ELK3: variants seen among roughly 807,000 people sequenced by gnomAD.
The protein encoded by ELK3 is ETS transcription factor ELK3, also known as ETS domain-containing protein Elk-3.
In ELK3, 10 loss-of-function variants were observed where a neutral mutation model predicts 28.9. The observed-to-expected ratio is 0.35, with a 90% CI of 0.21 to 0.59. The LOEUF (loss-of-function observed/expected upper bound fraction) is 0.59, where lower values mean the gene tolerates loss of function less well. Ranked by LOEUF, ELK3 falls within the 20% of genes least tolerant of loss-of-function variation. The pLI is 0.82. For synonymous variants in ELK3, 272 were observed against 243.5 expected, an observed-to-expected ratio of 1.12 and a Z score of -1.09; for missense variants, 463 against 517.3, an observed-to-expected ratio of 0.90 and a Z score of 1.02.
chr12:96,261,829 T>C (rs1165551515), intron 4 of ELK3, among the ~76,000 whole-genome samples: 1 of 152,194 alleles, frequency 6.6e-6, no homozygotes, highest in Non-Finnish European at 1.5e-5. Flanking sequence ...CGACACGTTA[T>C]CAGGATCTCT....
intron 4 of ELK3, among the ~76,000 whole-genome samples, chr12:96,264,007 C>A (rs567683349): frequency 6.6e-6 from 1 of 152,230 alleles, no homozygotes; most frequent in African/African-American, 2.4e-5. Context: ...GAGATGAGCT[C>A]GCTGTGCTGC....
chr12:96,231,427 C>T (rs1951741085), intron 2 of ELK3, among the ~76,000 whole-genome samples: 1 of 152,212 alleles, frequency 6.6e-6, no homozygotes, highest in Admixed American at 6.5e-5. Flanking sequence ...AACTGCCAGG[C>T]ACCTTATGGG....
chr12:96,246,896 C>T, intron 2 of ELK3, 44 bp from the exon 3 acceptor site: 1 of 1,539,828 alleles, frequency 6.5e-7, no homozygotes, highest in Middle Eastern at 1.7e-4. Context: ...TACATGGTTT[C>T]TCGGGTGCAC....
intron 1 of ELK3, among the ~76,000 whole-genome samples, chr12:96,203,809 C>A (rs1000846674): frequency 6.6e-6 from 1 of 152,110 alleles, no homozygotes; most frequent in Non-Finnish European, 1.5e-5. Context: ...AGTGTGGTGG[C>A]GCATGCCTGT....
At chr12:96,254,679 G>A (rs1218229297) in intron 3 of ELK3, among the ~76,000 whole-genome samples, 1 of 152,036 alleles carries the variant, frequency 6.6e-6, no homozygotes. Flanking sequence ...ATAGTTAGGA[G>A]CTCATAACTT....
rs538923369 is a variant in ELK3 at position 96,215,925 on chromosome 12, C to T, written c.-2-7640C>T. ...CCAGGATTACAGGCGTGAGCTATCA[C>T]GCCTAGCCTCAAAACTGTTTTCATA... is the stretch of plus-strand genomic sequence containing the variant. On this transcript the variant is annotated intron_variant, in intron 1 of 4. Coordinates refer to ENST00000228741, the MANE Select transcript of ELK3 (RefSeq NM_005230.4). 2.7e-4 allele frequency among the ~76,000 whole-genome samples: 41 copies of T among 152,320 alleles called. No homozygotes were observed. The East Asian group carries it at 5.4e-3, about 20-fold the overall frequency.
In ELK3 at chr12:96,223,937, C is replaced by T. The variant is rs1200106390; in HGVS notation, c.207+164C>T. On this transcript the variant is annotated intron_variant, in intron 2 of 4. Coordinates refer to ENST00000228741, the MANE Select transcript of ELK3 (RefSeq NM_005230.4). Reference sequence around the variant, plus strand: ...AGAAAAGCTGTGCTGTAGGGATTTTCCCCACCCTCTGGACGCCCTTTGGAT... The same window carrying T: ...AGAAAAGCTGTGCTGTAGGGATTTTTCCCACCCTCTGGACGCCCTTTGGAT... 4.2e-6 allele frequency: 3 copies of T among 720,184 alleles called. No individual in the cohort carries two copies. The African/African-American group carries it at 5.3e-5, about 13-fold the overall frequency. The allele number at this position is 720,184 out of a possible 1,614,324, so 44.6% of individuals were successfully genotyped here. A position where few individuals can be genotyped will look rare whatever the true frequency, so the allele number is the denominator to read the frequency against.
rs1952070327 is a variant in ELK3 at position 96,269,620 on chromosome 12, T to C, written c.*2440T>C. 1 of 152,188 alleles carries C rather than the reference T, an allele frequency of 6.6e-6. No homozygotes were observed. Among genetic ancestry groups the C allele is most frequent in the Non-Finnish European group, 1.5e-5 (1 of 68,018 alleles). The allele number at this position is 152,188 out of a possible 1,614,324, so 9.4% of individuals were successfully genotyped here. On this transcript the variant is annotated 3_prime_UTR_variant, in exon 5 of 5. Coordinates refer to ENST00000228741, the MANE Select transcript of ELK3 (RefSeq NM_005230.4). ...AGAGGTATTTTACTCAGAAAATAGG[T>C]TTCAAAGAACATTAATGACTTTCTT...
intron 4 of ELK3, among the ~76,000 whole-genome samples, chr12:96,261,077 A>G (rs1951989545): frequency 6.6e-6 from 1 of 152,218 alleles, no homozygotes; most frequent in South Asian, 2.1e-4. Context: ...GCAAGTCTTC[A>G]TGATCATCTG....
At chr12:96,238,265 C>T (rs1356599620) in intron 2 of ELK3, among the ~76,000 whole-genome samples, 1 of 152,226 alleles carries the variant, frequency 6.6e-6, no homozygotes, top group Non-Finnish European at 1.5e-5. Context: ...GAGGCACTGA[C>T]TGCGTTGAGT....
intron 1 of ELK3, among the ~76,000 whole-genome samples, chr12:96,218,223 G>T (rs79867551): frequency 2.0e-5 from 3 of 152,106 alleles, no homozygotes; most frequent in Non-Finnish European, 4.4e-5. Flanking sequence ...AGCCAGAGAC[G>T]GGAAGGCCCT....
chr12:96,207,848 A>G (rs988019606), intron 1 of ELK3, among the ~76,000 whole-genome samples: 13 of 152,372 alleles, frequency 8.5e-5, no homozygotes, highest in Middle Eastern at 6.8e-3. Context: ...AACCCTTTGT[A>G]TAATAAATTA....
At chr12:96,220,479 C>T (rs1336333131) in intron 1 of ELK3, among the ~76,000 whole-genome samples, 5 of 150,464 alleles carry the variant, frequency 3.3e-5, no homozygotes, top group African/African-American at 1.2e-4. Flanking sequence ...CCTCTGCCTC[C>T]TGGGTTCAAG....
chr12:96,206,309 C>T (rs1951537990), intron 1 of ELK3, among the ~76,000 whole-genome samples: 1 of 151,742 alleles, frequency 6.6e-6, no homozygotes, highest in Non-Finnish European at 1.5e-5. Context: ...TTTCTCTTTC[C>T]CTTTTATTTA....
intron 1 of ELK3, among the ~76,000 whole-genome samples, chr12:96,199,505 T>G (rs976948364): frequency 6.6e-6 from 1 of 151,896 alleles, no homozygotes; most frequent in Non-Finnish European, 1.5e-5. Context: ...TGTGTGTGTG[T>G]GTGTGTGTGA....
intron 3 of ELK3, among the ~76,000 whole-genome samples, chr12:96,254,025 T>A (rs560731682): frequency 1.3e-5 from 2 of 152,302 alleles, no homozygotes; most frequent in African/African-American, 4.8e-5. Flanking sequence ...CTTGTTTGGA[T>A]TGGAAATTAA....
intron 2 of ELK3, among the ~76,000 whole-genome samples, chr12:96,226,744 A>C (rs1951704644): frequency 6.6e-6 from 1 of 152,258 alleles, no homozygotes; most frequent in Admixed American, 6.5e-5. Context: ...CTTGCTTATA[A>C]AATGCTCTCA....
intron 1 of ELK3, among the ~76,000 whole-genome samples, chr12:96,210,597 A>ACACCCCCC (rs1416746905): frequency 1.6e-3 from 233 of 149,032 alleles, no homozygotes; most frequent in Non-Finnish European, 2.4e-3. Context: ...ACACACACAC[A>ACACCCCCC]CCCCGAGTGG....
chr12:96,206,167 C>G lies in ELK3; in HGVS notation c.-3+11462C>G, dbSNP rs188799470. On this transcript the variant is annotated intron_variant, in intron 1 of 4. Coordinates refer to ENST00000228741, the MANE Select transcript of ELK3 (RefSeq NM_005230.4). ...CATCCTTTGTGTGTTTTTTTTAAAC[C>G]TAAATATTAAAGCCTAGTAGTTTGT... Among the ~76,000 whole-genome samples the G allele has an allele frequency of 1.4e-3, 219 of 152,068 alleles. 2 individuals are homozygous for G. The highest frequency in any genetic ancestry group is 4.7e-3 in the African/African-American group (195 of 41,480).
Sources: gnomAD v4.1 joint callset for allele counts (sites outside exome capture counted in the v4.1 genomes callset) on GRCh38, gnomAD v4.1.1 for gene constraint, MANE v1.5 for transcripts, NCBI Gene and HGNC (gene_info 2026-07-23, HGNC 2026-07-21) for gene names.